Variants in ZC3H12B observed in about 807,000 individuals in gnomAD.
The protein encoded by ZC3H12B is zinc finger CCCH-type containing 12B.
ZC3H12B carries 7 observed loss-of-function variants against 43.9 expected under a neutral mutation model. The observed-to-expected ratio is 0.16, with a 90% CI of 0.09 to 0.30. ZC3H12B has a LOEUF of 0.30. ZC3H12B is among the 10% of genes least tolerant of loss of function. The pLI is 1.00. For missense variants in ZC3H12B, 475 were observed against 670.2 expected (o/e 0.71, Z 3.22); for synonymous variants, 222 against 241.7 (o/e 0.92, Z 0.76).
the ZC3H12B span, among the ~76,000 whole-genome samples, chrX:65,241,020 C>G: frequency 1.8e-5 from 2 of 111,559 alleles, no homozygotes; most frequent in Non-Finnish European, 3.8e-5. Flanking sequence ...CTCACCCAGT[C>G]AGGAGAGACA....
At chrX:65,275,106 G>A in the ZC3H12B span, among the ~76,000 whole-genome samples, 1 of 112,546 alleles carries the variant, frequency 8.9e-6, no homozygotes, top group African/African-American at 3.2e-5. Context: ...CTATAAGATG[G>A]CCCTGTGGAC....
intron 4 of ZC3H12B, 127 bp downstream of exon 9, chrX:65,500,116 G>A (rs911923944): frequency 3.7e-6 from 2 of 533,423 alleles, no homozygotes; most frequent in Non-Finnish European, 6.4e-6. Flanking sequence ...TTGAGTTAAA[G>A]TTTGTGTCTT....
At chrX:65,282,935 T>C in the ZC3H12B span, among the ~76,000 whole-genome samples, 1 of 111,438 alleles carries the variant, frequency 9.0e-6, no homozygotes, top group East Asian at 2.8e-4. Context: ...ACTATTCCAA[T>C]CAATAGAAAA....
the ZC3H12B span, among the ~76,000 whole-genome samples, chrX:65,206,115 T>G: frequency 1.8e-4 from 20 of 111,973 alleles, no homozygotes; most frequent in Admixed American, 1.1e-3. Context: ...CAATGCAATT[T>G]GAAGCAAGAT....
chrX:65,038,122 C>T, the ZC3H12B span, among the ~76,000 whole-genome samples: 2 of 110,874 alleles, frequency 1.8e-5, no homozygotes, highest in Non-Finnish European at 3.8e-5. Context: ...TTATTCCATC[C>T]GTAGAGAGGT....
chrX:65,299,744 G>A, the ZC3H12B span, among the ~76,000 whole-genome samples: 14 of 112,333 alleles, frequency 1.2e-4, no homozygotes, highest in Admixed American at 5.6e-4. Context: ...GAACTACTTC[G>A]GGAAAAGGAA....
chrX:65,086,257 C>T, the ZC3H12B span, among the ~76,000 whole-genome samples: 3 of 111,149 alleles, frequency 2.7e-5, no homozygotes, highest in Admixed American at 2.9e-4. Context: ...AAAGCCAGTC[C>T]TATATCACAG....
the ZC3H12B span, among the ~76,000 whole-genome samples, chrX:65,259,290 G>A: frequency 9.0e-6 from 1 of 111,620 alleles, no homozygotes. Context: ...CTTCTATAAA[G>A]CCAATGAAAA....
chrX:65,461,060 A>C (rs767684850), intron 3 of ZC3H12B, among the ~76,000 whole-genome samples: 2 of 112,056 alleles, frequency 1.8e-5, no homozygotes, highest in Non-Finnish European at 1.9e-5. Context: ...TGAACAGACA[A>C]TTTTCAAAAG....
At chrX:65,192,337 CT>C in the ZC3H12B span, among the ~76,000 whole-genome samples, 1 of 111,255 alleles carries the variant, frequency 9.0e-6, no homozygotes, top group South Asian at 3.8e-4. Context: ...TTTGGATACC[CT>C]TTTTTTCTTT....
intron 3 of ZC3H12B, among the ~76,000 whole-genome samples, chrX:65,424,001 G>A (rs180751340): frequency 5.4e-5 from 6 of 111,728 alleles, no homozygotes; most frequent in Admixed American, 4.8e-4. Flanking sequence ...TTTTATTGTA[G>A]GTCTTTTCTG....
intron 1 of ZC3H12B, among the ~76,000 whole-genome samples, chrX:65,367,776 G>A (rs2066192612): frequency 9.1e-6 from 1 of 109,935 alleles, no homozygotes; most frequent in South Asian, 3.9e-4. Context: ...TTAATTTCAT[G>A]TGTCCTGAAA....
chrX:65,154,607 G>T, the ZC3H12B span, among the ~76,000 whole-genome samples: 1 of 112,272 alleles, frequency 8.9e-6, no homozygotes, highest in Non-Finnish European at 1.9e-5. Context: ...CGGTTCATTT[G>T]GGAGGCAAAG....
the ZC3H12B span, among the ~76,000 whole-genome samples, chrX:65,040,007 C>A: frequency 9.0e-6 from 1 of 111,585 alleles, no homozygotes; most frequent in Admixed American, 9.5e-5. Context: ...GGAATAACTT[C>A]TCTGTTCTTC....
chrX:65,225,202 AGCATTC>A, the ZC3H12B span, among the ~76,000 whole-genome samples: 1 of 112,186 alleles, frequency 8.9e-6, no homozygotes, highest in Non-Finnish European at 1.9e-5. Context: ...ATCAGACAGC[AGCATTC>A]GCGGTTCACG....
chrX:65,348,071 C>T, the ZC3H12B span, among the ~76,000 whole-genome samples: 10 of 100,955 alleles, frequency 9.9e-5, no homozygotes, highest in Admixed American at 6.5e-4. Flanking sequence ...TATCACACAC[C>T]GGGGCCTGTG....
chrX:65,392,172 C>T (rs2066626345), intron 2 of ZC3H12B, among the ~76,000 whole-genome samples: 1 of 111,988 alleles, frequency 8.9e-6, no homozygotes, highest in South Asian at 3.8e-4. Flanking sequence ...ATTTCAGCCT[C>T]TGCCTGGCCG....
the ZC3H12B span, among the ~76,000 whole-genome samples, chrX:65,178,547 G>A: frequency 6.1e-4 from 68 of 112,043 alleles, no homozygotes; most frequent in African/African-American, 2.1e-3. Context: ...AATCTACAAG[G>A]AACTTAAACA....
chrX:65,121,339 G>T, the ZC3H12B span, among the ~76,000 whole-genome samples: 27 of 111,324 alleles, frequency 2.4e-4, no homozygotes, highest in Non-Finnish European at 4.0e-4. Flanking sequence ...CCTGTTATTG[G>T]TCTATTCAGA....
Sources: allele counts gnomAD v4.1 joint callset (sites outside exome capture counted in the v4.1 genomes callset), GRCh38; gene constraint gnomAD v4.1.1; transcripts MANE v1.5; gene names NCBI Gene and HGNC (gene_info 2026-07-23, HGNC 2026-07-21).